The following PLEKHB1 variants were observed in gnomAD, a reference collection of about 807,000 sequenced individuals.
The protein encoded by PLEKHB1 is pleckstrin homology domain-containing family B member 1.
In PLEKHB1, 29 loss-of-function variants were observed where a neutral mutation model predicts 36.2. The ratio of observed to expected loss-of-function variants is 0.80; its 90% CI spans 0.60 to 1.09. The LOEUF (loss-of-function observed/expected upper bound fraction) is 1.09. PLEKHB1 is among the 50% of genes least tolerant of loss of function. The pLI is 0.00. For synonymous variants in PLEKHB1, 138 were observed against 140.0 expected (o/e 0.99, Z 0.10); for missense variants, 330 against 348.2 (o/e 0.95, Z 0.42).
chr11:73,648,983 G>A, intron 1 of PLEKHB1, 29 bp from the exon 2 acceptor site: 2 of 1,571,250 alleles, frequency 1.3e-6, no homozygotes, highest in Non-Finnish European at 8.6e-7. Context: ...TGCTGCTGAG[G>A]CCTGTGTCTC....
At position 73,646,600 on chromosome 11, in the gene PLEKHB1, C is replaced by G; in HGVS notation, c.-9C>G. 1 of 1,551,564 alleles carries G rather than the reference C, an allele frequency of 6.4e-7. No individual in the cohort carries two copies. Among genetic ancestry groups the G allele is most frequent in the African/African-American group, 1.4e-5 (1 of 73,154 alleles). ...TTCTGGGAAATGCTGCCCTGGCCAC[C>G]CAGGAACCATGAGCCCTGCAGCCCC... is the stretch of plus-strand genomic sequence containing the variant. On this transcript the variant is annotated 5_prime_UTR_variant, in exon 1 of 8. Transcript: ENST00000354190.
chr11:73,647,664 G>A, intron 1 of PLEKHB1: 1 of 985,502 alleles, frequency 1.0e-6, no homozygotes, highest in African/African-American at 1.7e-5. Context: ...CAAAGCGCAG[G>A]CGCAGCGGGT....
chr11:73,647,521 A>G, intron 1 of PLEKHB1: 2 of 984,196 alleles, frequency 2.0e-6, no homozygotes, highest in Non-Finnish European at 2.4e-6. Flanking sequence ...AAGTCCCAGT[A>G]CGCCTCGGGT....
intron 1 of PLEKHB1, among the ~76,000 whole-genome samples, chr11:73,647,218 T>C (rs1944785634): frequency 6.6e-6 from 1 of 152,136 alleles, no homozygotes; most frequent in Non-Finnish European, 1.5e-5. Context: ...TTGAGAAAAG[T>C]CAGGCTCATC....
rs778328284 is a variant in PLEKHB1 at position 73,651,842 on chromosome 11, G to C, written c.302G>C (p.Arg101Pro). ...SRDGLLTVNL[R>P]EGGRLHLCAE... ...GATGGCCTGCTGACTGTGAACCTAC[G>C]GGAAGGCGGCCGCCTGCACCTCTGT... is the stretch of plus-strand genomic sequence containing the variant. The change falls in exon 4 of 8, where the codon CGG (arginine) becomes CCG (proline). Residue 101 changes from arginine to proline, a missense_variant. Arg to Pro is a moderately radical substitution (Grantham distance 103). Coordinates refer to ENST00000354190, the MANE Select transcript of PLEKHB1 (RefSeq NM_021200.3). The C allele has an allele frequency of 6.8e-6, 11 of 1,613,640 alleles. No individual in the cohort carries two copies. Among genetic ancestry groups the C allele is most frequent in the Non-Finnish European group, 9.3e-6 (11 of 1,179,884 alleles).
chr11:73,648,946 A>G, intron 1 of PLEKHB1, 66 bp from the exon 2 acceptor site: 4 of 1,538,352 alleles, frequency 2.6e-6, no homozygotes, highest in East Asian at 2.5e-5. Flanking sequence ...CAGGGACGGC[A>G]GGGCTGGGGG....
At chr11:73,660,533 G>A (rs539621769) in intron 6 of PLEKHB1, 42 of 563,554 alleles carry the variant, frequency 7.5e-5, no homozygotes, top group Non-Finnish European at 1.3e-4. Flanking sequence ...GAGAATGGGT[G>A]TCACTGGGAG....
chr11:73,658,955 A>G (rs1052573711), intron 6 of PLEKHB1, among the ~76,000 whole-genome samples: 1 of 152,148 alleles, frequency 6.6e-6, no homozygotes, highest in African/African-American at 2.4e-5. Flanking sequence ...ATGTACTGAG[A>G]GAAGCATTTA....
intron 1 of PLEKHB1, chr11:73,648,116 C>A: frequency 3.1e-6 from 1 of 324,480 alleles, no homozygotes; most frequent in Non-Finnish European, 4.4e-6. Flanking sequence ...CGGTGACGTC[C>A]AAACTTAGCT....
chr11:73,661,636 G>A lies in PLEKHB1; in HGVS notation c.*34G>A. Reference sequence around the variant, plus strand: ...ACTCGGAGCACTGACCCCTGCGCTTGGATTGCTAGACTCCTCTTCCTCCTG... The same window carrying A: ...ACTCGGAGCACTGACCCCTGCGCTTAGATTGCTAGACTCCTCTTCCTCCTG... On this transcript the variant is annotated 3_prime_UTR_variant, in exon 8 of 8. Coordinates refer to ENST00000354190, the MANE Select transcript of PLEKHB1 (RefSeq NM_021200.3). This position sits in a 1 kb window ranked among gnomAD's most constrained non-coding sequence, Gnocchi z 4.6. 6.5e-7 allele frequency: 1 copy of A among 1,537,914 alleles called. No individual in the cohort carries two copies. The highest frequency in any genetic ancestry group is 1.2e-5 in the South Asian group (1 of 80,596).
chr11:73,654,116 G>T (rs1301687205), intron 5 of PLEKHB1, among the ~76,000 whole-genome samples: 1 of 152,194 alleles, frequency 6.6e-6, no homozygotes, highest in African/African-American at 2.4e-5. Flanking sequence ...AGGAGGCTGG[G>T]ACAGTGTCCG....
chr11:73,656,093 C>T (rs1944989197), intron 6 of PLEKHB1, among the ~76,000 whole-genome samples, 186 bp downstream of exon 6: 1 of 152,218 alleles, frequency 6.6e-6, no homozygotes, highest in Non-Finnish European at 1.5e-5. Context: ...CTCTGCCAGC[C>T]TTCGCACATG....
chr11:73,648,871 A>T lies in PLEKHB1; in HGVS notation c.19-141A>T, dbSNP rs771500638. The T allele has an allele frequency of 2.4e-5, 34 of 1,408,106 alleles. 1 individual carries two copies. Among genetic ancestry groups the T allele is most frequent in the Non-Finnish European group, 3.0e-5 (32 of 1,080,088 alleles). The allele number at this position is 1,408,106 out of a possible 1,614,324, so 87.2% of individuals were successfully genotyped here. ...TTCTCTTCCTGAGCAGAGAATGGGGAGGAGGCCGAGGCCGCCTGGCCCTTG... is the reference window on the plus strand; with the variant it reads ...TTCTCTTCCTGAGCAGAGAATGGGGTGGAGGCCGAGGCCGCCTGGCCCTTG... On this transcript the variant is annotated intron_variant, in intron 1 of 7. Coordinates refer to ENST00000354190, the MANE Select transcript of PLEKHB1 (RefSeq NM_021200.3).
At chr11:73,655,993 GA>G in intron 6 of PLEKHB1, 86 bp downstream of exon 6, 1 of 1,137,984 alleles carries the variant, frequency 8.8e-7, no homozygotes, top group East Asian at 2.4e-5. Flanking sequence ...CCTTCCCTGT[GA>G]CAAACATTCC....
intron 3 of PLEKHB1, 129 bp downstream of exon 3, chr11:73,650,834 C>T (rs1944876070): frequency 1.8e-6 from 2 of 1,099,948 alleles, no homozygotes; most frequent in Non-Finnish European, 2.5e-6. Context: ...GCTTCTGAGC[C>T]TCTGTCAACT....
chr11:73,647,757 G>A lies in PLEKHB1; in HGVS notation c.18+1131G>A, dbSNP rs992402903. The A allele has an allele frequency of 8.2e-6, 8 of 979,042 alleles. No homozygotes were observed. The African/African-American group carries it at 1.5e-4, about 18-fold the overall frequency. 60.6% of individuals were successfully genotyped at this position (979,042 alleles called of 1,614,324 possible). ...AGACAAGGTGGGTGCATCAAGGGGA[G>A]GGGCTGGAAAAGGAGTCTGCACCTG... On this transcript the variant is annotated intron_variant, in intron 1 of 7. Coordinates refer to ENST00000354190, the MANE Select transcript of PLEKHB1 (RefSeq NM_021200.3).
intron 2 of PLEKHB1, 113 bp from the exon 3 acceptor site, chr11:73,650,440 G>A (rs1049553883): frequency 2.5e-6 from 3 of 1,194,614 alleles, no homozygotes; most frequent in Non-Finnish European, 3.4e-6. Context: ...ACAAGAAAAA[G>A]GTGGTTGTAA....
In PLEKHB1 at chr11:73,655,267, G is replaced by A. The variant is rs73536633; in HGVS notation, c.391-536G>A. 5.1e-3 allele frequency among the ~76,000 whole-genome samples: 776 copies of A among 152,334 alleles called. 10 individuals carry two copies. The highest frequency in any genetic ancestry group is 0.018 in the African/African-American group (734 of 41,578). On this transcript the variant is annotated intron_variant, in intron 5 of 7. Coordinates refer to ENST00000354190, the MANE Select transcript of PLEKHB1 (RefSeq NM_021200.3). ...TGCCCGGGCTTACTAGAGTCGGGGT[G>A]TATTTGTGCCTGTGTCTACCTATCT...
chr11:73,656,782 T>C (rs1230122484), intron 6 of PLEKHB1, among the ~76,000 whole-genome samples: 1 of 152,240 alleles, frequency 6.6e-6, no homozygotes, highest in Non-Finnish European at 1.5e-5. Flanking sequence ...TTACAAGCAC[T>C]AATAACAAGT....
Sources: allele counts gnomAD v4.1 joint callset (sites outside exome capture counted in the v4.1 genomes callset), GRCh38; gene constraint gnomAD v4.1.1; non-coding constraint Gnocchi (gnomAD v3.1); transcripts MANE v1.5; gene names NCBI Gene and HGNC (gene_info 2026-07-23, HGNC 2026-07-21).